The following ASTN2 variants were observed in gnomAD, a reference collection of about 807,000 sequenced individuals.
ASTN2 encodes astrotactin-2.
Under a neutral mutation model 139.8 loss-of-function variants are expected in ASTN2, and 54 were observed. That is an observed-to-expected ratio of 0.39 (90% CI 0.31 to 0.48). The LOEUF (loss-of-function observed/expected upper bound fraction) is 0.48, where lower values mean the gene tolerates loss of function less well. Ranked by LOEUF, ASTN2 falls within the 20% of genes least tolerant of loss-of-function variation. ASTN2 has a pLI of 0.95. For missense variants in ASTN2, 1,565 were observed against 1,725.1 expected (o/e 0.91, Z 1.64); for synonymous variants, 756 against 719.5 (o/e 1.05, Z -0.81).
At chr9:116,661,324 T>C (rs1427351019) in intron 16 of ASTN2, among the ~76,000 whole-genome samples, 4 of 152,246 alleles carry the variant, frequency 2.6e-5, no homozygotes, top group South Asian at 2.1e-4. Flanking sequence ...AGAAGGATCA[T>C]TGTGTGCAAA....
chr9:116,540,934 C>T (rs989081735), intron 19 of ASTN2, among the ~76,000 whole-genome samples: 4 of 150,566 alleles, frequency 2.7e-5, no homozygotes, highest in Non-Finnish European at 4.4e-5. Flanking sequence ...AGTATATGAA[C>T]ATGAAAATTT....
chr9:116,859,127 C>T (rs1230046246), intron 11 of ASTN2, among the ~76,000 whole-genome samples: 9 of 152,222 alleles, frequency 5.9e-5, no homozygotes, highest in Non-Finnish European at 1.2e-4. Flanking sequence ...CTACCCCACT[C>T]CTCTGCTTTC....
At chr9:116,691,849 A>G (rs1317584633) in intron 16 of ASTN2, among the ~76,000 whole-genome samples, 2 of 152,220 alleles carry the variant, frequency 1.3e-5, no homozygotes, top group African/African-American at 4.8e-5. Context: ...CATGAGGAAT[A>G]AAGTTTAGAA....
intron 13 of ASTN2, among the ~76,000 whole-genome samples, chr9:116,771,075 A>G (rs1195133339): frequency 6.6e-6 from 1 of 152,194 alleles, no homozygotes; most frequent in Non-Finnish European, 1.5e-5. Flanking sequence ...TAAAATATCC[A>G]TTCCTTTGTC....
intron 2 of ASTN2, among the ~76,000 whole-genome samples, chr9:117,289,373 T>C (rs1587915393): frequency 1.3e-5 from 2 of 152,150 alleles, no homozygotes; most frequent in African/African-American, 4.8e-5. Flanking sequence ...CTTAGTGAGT[T>C]ATTATTTCGA....
chr9:116,530,094 G>GACATATATAT lies in ASTN2; in HGVS notation c.3356-42595_3356-42594insATATATATGT. On this transcript the variant is annotated intron_variant, in intron 19 of 22. Coordinates refer to ENST00000313400, the MANE Select transcript of ASTN2 (RefSeq NM_001365068.1). ...ATCAGTGGATGAATGGATAAAGTGT[G>GACATATATAT]ATATATATATATATATATATATATA... is the stretch of plus-strand genomic sequence containing the variant. Among the ~76,000 whole-genome samples the GACATATATAT allele has an allele frequency of 3.9e-5, 2 of 51,084 alleles. 1 individual carries two copies. Among genetic ancestry groups the GACATATATAT allele is most frequent in the South Asian group, 2.3e-3 (2 of 864 alleles). The allele number at this position is 51,084 out of a possible 152,430, so 33.5% of individuals were successfully genotyped here. A position where few individuals can be genotyped will look rare whatever the true frequency, so the allele number is the denominator to read the frequency against.
intron 16 of ASTN2, among the ~76,000 whole-genome samples, chr9:116,692,040 T>C (rs1860594424): frequency 1.3e-5 from 2 of 152,228 alleles, no homozygotes; most frequent in South Asian, 4.1e-4. Context: ...GTATCACCAG[T>C]ACCGTTCACA....
intron 2 of ASTN2, among the ~76,000 whole-genome samples, chr9:117,242,358 TTCTC>T (rs1833241110): frequency 6.6e-6 from 1 of 152,110 alleles, no homozygotes. Flanking sequence ...ATAATTGAGT[TTCTC>T]CCTGTACCAA....
chr9:116,813,868 C>G (rs1416581660), intron 12 of ASTN2, among the ~76,000 whole-genome samples: 1 of 151,882 alleles, frequency 6.6e-6, no homozygotes, highest in African/African-American at 2.4e-5. Context: ...AACCCCATCT[C>G]TACTAAAAAT....
intron 4 of ASTN2, among the ~76,000 whole-genome samples, chr9:117,100,086 G>T (rs181823003): frequency 6.6e-6 from 1 of 152,320 alleles, no homozygotes; most frequent in African/African-American, 2.4e-5. Flanking sequence ...TCTCTTAATT[G>T]ACTCCAACAC....
chr9:116,578,424 C>A (rs57243279), intron 19 of ASTN2, among the ~76,000 whole-genome samples: 2 of 151,920 alleles, frequency 1.3e-5, no homozygotes, highest in Non-Finnish European at 2.9e-5. Context: ...ATATCTACCA[C>A]GGGCTACACC....
intron 10 of ASTN2, among the ~76,000 whole-genome samples, chr9:116,897,662 G>A (rs954186903): frequency 1.3e-5 from 2 of 151,850 alleles, no homozygotes; most frequent in South Asian, 2.1e-4. Context: ...TAAAAGGAAC[G>A]AACTGAATCT....
chr9:116,577,758 T>C (rs1853780565), intron 19 of ASTN2, among the ~76,000 whole-genome samples: 2 of 152,138 alleles, frequency 1.3e-5, no homozygotes, highest in Admixed American at 6.5e-5. Context: ...GGTCCCTATT[T>C]TACAGATGAG....
At chr9:117,235,209 A>G in intron 2 of ASTN2, among the ~76,000 whole-genome samples, 1 of 151,110 alleles carries the variant, frequency 6.6e-6, no homozygotes, top group Non-Finnish European at 1.5e-5. Context: ...ACTCCAGCCC[A>G]GGCCAATAAC....
intron 16 of ASTN2, among the ~76,000 whole-genome samples, chr9:116,713,602 C>T (rs937130194): frequency 3.3e-5 from 5 of 152,078 alleles, no homozygotes; most frequent in East Asian, 1.9e-4. Flanking sequence ...AGAAATGCCA[C>T]ACAAAGAGAA....
chr9:116,707,017 C>G (rs1170888145), intron 16 of ASTN2, among the ~76,000 whole-genome samples: 4 of 151,870 alleles, frequency 2.6e-5, no homozygotes, highest in Admixed American at 2.6e-4. Flanking sequence ...CCAGTGTCAG[C>G]TGTGACTGTC....
chr9:116,950,192 G>C (rs117163704), intron 10 of ASTN2, among the ~76,000 whole-genome samples: 406 of 152,232 alleles, frequency 2.7e-3, no homozygotes, highest in Middle Eastern at 0.014. Flanking sequence ...AGGATGTTTA[G>C]CAGCATCCAT....
chr9:117,336,375 A>G (rs1828884536), intron 1 of ASTN2, among the ~76,000 whole-genome samples: 2 of 152,274 alleles, frequency 1.3e-5, no homozygotes, highest in Non-Finnish European at 2.9e-5. Flanking sequence ...GAAGAATTAA[A>G]GAAAGTTCTT....
intron 1 of ASTN2, among the ~76,000 whole-genome samples, chr9:117,405,530 A>C (rs754812964): frequency 3.3e-5 from 5 of 152,126 alleles, no homozygotes; most frequent in Non-Finnish European, 7.4e-5. Context: ...GTTACATTAC[A>C]ACTCTGGAAT....
Sources: allele counts gnomAD v4.1 joint callset (sites outside exome capture counted in the v4.1 genomes callset), GRCh38; gene constraint gnomAD v4.1.1; transcripts MANE v1.5; gene names NCBI Gene and HGNC (gene_info 2026-07-23, HGNC 2026-07-21).